TEX14: variants seen among roughly 807,000 people sequenced by gnomAD.
TEX14 encodes the protein inactive serine/threonine-protein kinase TEX14.
TEX14 carries 168 observed loss-of-function variants against 178.6 expected under a neutral mutation model. The ratio of observed to expected loss-of-function variants is 0.94; its 90% CI spans 0.83 to 1.07. The LOEUF (loss-of-function observed/expected upper bound fraction) is 1.07, where lower values mean the gene tolerates loss of function less well. Ranked by LOEUF, TEX14 falls within the 50% of genes least tolerant of loss-of-function variation. The pLI, the probability that TEX14 is intolerant of heterozygous loss-of-function variation, is 0.00. For missense variants in TEX14, 1,730 were observed against 1,753.6 expected, an observed-to-expected ratio of 0.99 and a Z score of 0.24; for synonymous variants, 626 against 634.1, an observed-to-expected ratio of 0.99 and a Z score of 0.19.
intron 11 of TEX14, among the ~76,000 whole-genome samples, chr17:58,603,582 C>A (rs766353345): frequency 6.9e-5 from 9 of 131,322 alleles, no homozygotes; most frequent in African/African-American, 2.6e-4. Flanking sequence ...AAGCCTTGCA[C>A]GTTGGCTCAC....
At chr17:58,572,414 C>T (rs967341309) in intron 23 of TEX14, among the ~76,000 whole-genome samples, 1 of 152,050 alleles carries the variant, frequency 6.6e-6, no homozygotes, top group Non-Finnish European at 1.5e-5. Flanking sequence ...GGGTGGATCA[C>T]GAGGTCAGGA....
At chr17:58,562,506 A>G (rs886974517) in intron 28 of TEX14, among the ~76,000 whole-genome samples, 2 of 151,830 alleles carry the variant, frequency 1.3e-5, no homozygotes, top group African/African-American at 4.8e-5. Flanking sequence ...AAAAGAGCTT[A>G]ATTTTCTTTT....
chr17:58,573,960 T>G (rs144096639), intron 22 of TEX14, among the ~76,000 whole-genome samples: 2,192 of 152,278 alleles, frequency 0.014, 22 homozygotes, highest in Non-Finnish European at 0.023. Flanking sequence ...CGTAAACTTA[T>G]TATTATTATG....
At chr17:58,626,569 C>CAAA (rs11327030) in intron 3 of TEX14, among the ~76,000 whole-genome samples, 5 of 33,656 alleles carry the variant, frequency 1.5e-4, no homozygotes, top group Non-Finnish European at 2.0e-4. Flanking sequence ...GACTCCATCT[C>CAAA]AAAAAAAAAA....
At chr17:58,629,320 G>A (rs1467584788) in intron 3 of TEX14, among the ~76,000 whole-genome samples, 1 of 151,990 alleles carries the variant, frequency 6.6e-6, no homozygotes, top group Non-Finnish European at 1.5e-5. Context: ...CAGGCCTGGT[G>A]GTGCCCACTT....
chr17:58,659,260 A>G, intron 1 of TEX14: 2 of 797,858 alleles, frequency 2.5e-6, no homozygotes, highest in Non-Finnish European at 1.5e-6. Context: ...CCCAAGAAAA[A>G]CACTTTATCA....
intron 11 of TEX14, among the ~76,000 whole-genome samples, chr17:58,604,501 A>T (rs1252111688): frequency 1.3e-5 from 2 of 151,050 alleles, no homozygotes; most frequent in Non-Finnish European, 2.9e-5. Flanking sequence ...ATAAAAATAA[A>T]TTTTTTTAGT....
In TEX14 at chr17:58,593,890, A is replaced by G. The variant is rs190022505; in HGVS notation, c.2470-229T>C. On this transcript the variant is annotated intron_variant, in intron 14 of 31. Transcript: ENST00000349033. ...TGGCTCTGTCACCAGGCTGGAGTGC[A>G]GTGGCAAGATCCTGGCTCACTGCAA... Among the ~76,000 whole-genome samples the G allele has an allele frequency of 2.0e-3, 300 of 152,216 alleles. 3 individuals carry two copies. Among genetic ancestry groups the G allele is most frequent in the African/African-American group, 7.0e-3 (291 of 41,522 alleles).
At position 58,579,672 on chromosome 17, in the gene TEX14, T is replaced by C; in HGVS notation, c.3231A>G (p.Gln1077=). 6.2e-7 allele frequency: 1 copy of C among 1,613,720 alleles called. No homozygotes were observed. The highest frequency in any genetic ancestry group is 8.5e-7 in the Non-Finnish European group (1 of 1,179,642). ...EGIQGAFAQP[Q]VSGEEKFQMR... ...TCCCTAAGGGCTTATTACCAGAGACTTGAGGTTGGGCAAATGCACCTTGTA... is the reference window on the plus strand; with the variant it reads ...TCCCTAAGGGCTTATTACCAGAGACCTGAGGTTGGGCAAATGCACCTTGTA... Residue 1077 remains glutamine (Q), a synonymous_variant, in exon 20 of 32, where the codon CAA becomes CAG. Coordinates refer to ENST00000349033, the MANE Select transcript of TEX14 (RefSeq NM_031272.5).
In TEX14 at chr17:58,616,323, C is replaced by T; in HGVS notation, c.637-18G>A. ...AGATAAAACTGAAACCAAGGCATAG[C>T]CTCAAATTATGGGGAGAAGGGGGGA... On this transcript the variant is annotated intron_variant, in intron 6 of 31. Coordinates refer to ENST00000349033, the MANE Select transcript of TEX14 (RefSeq NM_031272.5). 1 of 1,607,566 alleles carries T rather than the reference C, an allele frequency of 6.2e-7. No homozygotes were observed.
At chr17:58,579,101 C>G (rs932382986) in intron 20 of TEX14, among the ~76,000 whole-genome samples, 2 of 152,214 alleles carry the variant, frequency 1.3e-5, no homozygotes, top group Admixed American at 1.3e-4. Flanking sequence ...ACCTTCTCAT[C>G]TAAAAGAAAG....
Position 58,614,508 on chromosome 17 carries a change from A to AG in TEX14, c.881+723_881+724insC, listed in dbSNP as rs950009391. On this transcript the variant is annotated intron_variant, in intron 8 of 31. Transcript: ENST00000349033. The stretch of plus-strand genomic sequence containing the variant: ...CAATCCTACCCTCCCCGCAAAAAAA[A>AG]TAGGAAGAAATATGTCAGGAATTCA... Among the ~76,000 whole-genome samples the AG allele has an allele frequency of 7.9e-5, 12 of 152,320 alleles. No individual in the cohort carries two copies. In the East Asian group the frequency reaches 2.3e-3, roughly 29 times the overall value.
At chr17:58,685,679 A>G (rs1247163928) in intron 1 of TEX14, among the ~76,000 whole-genome samples, 1 of 151,882 alleles carries the variant, frequency 6.6e-6, no homozygotes, top group Non-Finnish European at 1.5e-5. Context: ...CCTTATTAAG[A>G]AATTTGGTCT....
At position 58,598,913 on chromosome 17, in the gene TEX14, C is replaced by G; in HGVS notation, c.2432G>C (p.Ser811Thr). 1 of 1,613,446 alleles carries G rather than the reference C, an allele frequency of 6.2e-7. No homozygotes were observed. The highest frequency in any genetic ancestry group is 1.7e-5 in the Admixed American group (1 of 59,898). ...TCTTGGTAGGGTTGGGTAGTTGCCA[C>G]TGGTGTCTGGCTTCTGACCCCCTGA... ...QLSGGQKPDTSGNYPTLPRFP... is the reference protein window; with the variant it reads ...QLSGGQKPDTTGNYPTLPRFP... Residue 811 changes from serine (S) to threonine (T), a missense_variant, in exon 14 of 32, where the codon AGT (serine) becomes ACT (threonine). By Grantham distance (58) the Ser-to-Thr change is moderately conservative. Coordinates refer to ENST00000349033, the MANE Select transcript of TEX14 (RefSeq NM_031272.5).
At chr17:58,613,384 G>A (rs2045792851) in intron 9 of TEX14, 37 bp downstream of exon 9, 4 of 1,612,786 alleles carry the variant, frequency 2.5e-6, no homozygotes, top group Non-Finnish European at 2.5e-6. Context: ...GAAACTGGGA[G>A]GTCAGCAATG....
chr17:58,616,015 A>G (rs1352748311), intron 7 of TEX14, among the ~76,000 whole-genome samples, 160 bp downstream of exon 7: 1 of 152,168 alleles, frequency 6.6e-6, no homozygotes, highest in Non-Finnish European at 1.5e-5. Flanking sequence ...ATCTGGCCAA[A>G]AATGGTAATA....
chr17:58,673,220 C>T (rs1225638599), intron 1 of TEX14, among the ~76,000 whole-genome samples: 3 of 151,652 alleles, frequency 2.0e-5, no homozygotes, highest in African/African-American at 7.3e-5. Flanking sequence ...GTAGCTTATG[C>T]CTGTATTCCC....
intron 2 of TEX14, among the ~76,000 whole-genome samples, chr17:58,645,496 C>A (rs1026356026): frequency 6.6e-6 from 1 of 151,952 alleles, no homozygotes; most frequent in Non-Finnish European, 1.5e-5. Flanking sequence ...GTAGCTGGGA[C>A]TATAGGCGCC....
At position 58,609,527 on chromosome 17, in the gene TEX14, G is replaced by C. The variant is rs182621499; in HGVS notation, c.1184+1634C>G. Among the ~76,000 whole-genome samples the C allele has an allele frequency of 2.5e-3, 377 of 152,258 alleles. 2 individuals are homozygous for C. Among genetic ancestry groups the C allele is most frequent in the African/African-American group, 8.7e-3 (363 of 41,552 alleles). On this transcript the variant is annotated intron_variant, in intron 10 of 31. Coordinates refer to ENST00000349033, the MANE Select transcript of TEX14 (RefSeq NM_031272.5). Reference sequence around the variant, plus strand: ...TAAAGTGCTGGAATTATAGGCATGAGCCACCATGCCCAGCCTAGAGGAAGG... The same window carrying C: ...TAAAGTGCTGGAATTATAGGCATGACCCACCATGCCCAGCCTAGAGGAAGG...
Sources: gnomAD v4.1 joint callset for allele counts (sites outside exome capture counted in the v4.1 genomes callset) on GRCh38, gnomAD v4.1.1 for gene constraint, MANE v1.5 for transcripts, NCBI Gene and HGNC (gene_info 2026-07-23, HGNC 2026-07-21) for gene names.